The following NLRP14 variants were observed in gnomAD, a reference collection of about 807,000 sequenced individuals.
The protein encoded by NLRP14 is NACHT, LRR and PYD domains-containing protein 14.
NLRP14 carries 105 observed loss-of-function variants against 94.7 expected under a neutral mutation model. That is an observed-to-expected ratio of 1.11 (90% CI 0.95 to 1.30). The LOEUF (loss-of-function observed/expected upper bound fraction) is 1.30. Among genes scored for constraint, NLRP14 ranks in the 50% most tolerant of loss-of-function variants. The probability of loss-of-function intolerance (pLI) is 0.00; values close to 1 mark genes in which losing one functional copy is unlikely to be tolerated. For missense variants in NLRP14, 1,362 were observed against 1,254.1 expected (o/e 1.09, Z -1.30); for synonymous variants, 508 against 459.9 (o/e 1.10, Z -1.34).
intron 1 of NLRP14, among the ~76,000 whole-genome samples, chr11:7,026,552 TTGG>T (rs1318018907): frequency 2.6e-5 from 4 of 151,738 alleles, no homozygotes; most frequent in African/African-American, 9.7e-5. Flanking sequence ...TTTTACACTG[TTGG>T]TGGGACTGAA....
the NLRP14 span, chr11:7,089,858 C>T: frequency 2.5e-6 from 4 of 1,612,526 alleles, no homozygotes; most frequent in South Asian, 1.1e-5. Context: ...ACGGCCACTC[C>T]AGTGTCCGGG....
chr11:7,042,607 G>T lies in NLRP14; in HGVS notation c.581G>T (p.Arg194Ile). Residue 194 changes from arginine to isoleucine, a missense_variant, in exon 4 of 12, where the codon AGA becomes ATA. Physicochemically the swap from Arg to Ile is moderately conservative, Grantham distance 97. Coordinates refer to ENST00000299481, the MANE Select transcript of NLRP14 (RefSeq NM_176822.4). ...AAGVGKTTLV[R>I]KAMLDWAEGS... is the part of the protein sequence containing the mutation. ...GGAGTTGGGAAAACAACCTTGGTGA[G>T]AAAGGCAATGTTAGATTGGGCAGAG... 6.2e-7 allele frequency: 1 copy of T among 1,614,262 alleles called. No homozygotes were observed. Among genetic ancestry groups the T allele is most frequent in the Non-Finnish European group, 8.5e-7 (1 of 1,180,050 alleles).
the NLRP14 span, among the ~76,000 whole-genome samples, chr11:7,084,747 T>C: frequency 6.6e-6 from 1 of 152,228 alleles, no homozygotes; most frequent in Non-Finnish European, 1.5e-5. Context: ...GTTTTCCAGA[T>C]TTCTGTGAGA....
At chr11:7,062,598 A>G (rs1852642050) in intron 10 of NLRP14, 95 bp downstream of exon 10, 1 of 1,076,654 alleles carries the variant, frequency 9.3e-7, no homozygotes, top group African/African-American at 1.5e-5. Context: ...TAAAAACTAA[A>G]TGGGGCTAGA....
At position 7,062,499 on chromosome 11, in the gene NLRP14, C is replaced by T. The variant is rs1363591195; in HGVS notation, c.2971C>T (p.Leu991Phe). ...ATATCCAAACTGTAACATTCAGAGG[C>T]TCGGGTGAGTTCATAGTTTTCCATT... ...LRYPNCNIQR[L>F]GLEYCGLTSL... The change falls in exon 10 of 12, where the codon CTC (leucine) becomes TTC (phenylalanine). Residue 991 changes from leucine (L) to phenylalanine (F), a missense_variant. Coordinates refer to ENST00000299481, the MANE Select transcript of NLRP14 (RefSeq NM_176822.4). 2 of 1,612,406 alleles carry T rather than the reference C, an allele frequency of 1.2e-6. No individual in the cohort carries two copies. The highest frequency in any genetic ancestry group is 2.2e-5 in the East Asian group (1 of 44,842).
Position 7,043,317 on chromosome 11 carries a change from G to T in NLRP14, c.1291G>T (p.Ala431Ser), listed in dbSNP as rs139691301. The change falls in exon 4 of 12, where the codon GCT (alanine) becomes TCT (serine). Residue 431 changes from alanine to serine, a missense_variant. Transcript: ENST00000299481. ...CCAGCTGAGAAGACTGTGCCAAGTC[G>T]CTGCCAAAGGAATATGGACTATGAC... The part of the protein sequence containing the change: ...QAQLRRLCQV[A>S]AKGIWTMTYV... 1.2e-6 allele frequency: 2 copies of T among 1,614,200 alleles called. No homozygotes were observed. The highest frequency in any genetic ancestry group is 1.7e-5 in the Admixed American group (1 of 60,026).
chr11:7,089,759 C>T, the NLRP14 span: 1 of 1,570,448 alleles, frequency 6.4e-7, no homozygotes, highest in South Asian at 1.1e-5. Context: ...GGGATGAGGG[C>T]TACTCGTCCA....
At position 7,043,008 on chromosome 11, in the gene NLRP14, C is replaced by T. The variant is rs1416665178; in HGVS notation, c.982C>T (p.Leu328=). 1 of 1,614,102 alleles carries T rather than the reference C, an allele frequency of 6.2e-7. No individual in the cohort carries two copies. The highest frequency in any genetic ancestry group is 1.7e-5 in the Admixed American group (1 of 60,020). ...GAAGAATCACCATTATGTAGAGCTA[C>T]TAGGAATGTCTGAGGATGCAAGAGA... ...LLKNHHYVEL[L]GMSEDAREEY... Residue 328 remains leucine (L), a synonymous_variant, in exon 4 of 12, where the codon CTA becomes TTA. Coordinates refer to ENST00000299481, the MANE Select transcript of NLRP14 (RefSeq NM_176822.4).
At chr11:7,057,627 A>G (rs936538460) in intron 6 of NLRP14, 50 bp from the exon 7 acceptor site, 1 of 1,549,940 alleles carries the variant, frequency 6.5e-7, no homozygotes, top group Non-Finnish European at 8.9e-7. Context: ...TGTTGGTTGT[A>G]ATTATTCTCT....
chr11:7,082,726 T>A, the NLRP14 span, among the ~76,000 whole-genome samples: 1 of 152,234 alleles, frequency 6.6e-6, no homozygotes, highest in Non-Finnish European at 1.5e-5. Flanking sequence ...GACATTAGGT[T>A]CAGCCACTGT....
chr11:7,060,402 C>G (rs994740230), intron 9 of NLRP14, among the ~76,000 whole-genome samples: 1 of 151,868 alleles, frequency 6.6e-6, no homozygotes, highest in Non-Finnish European at 1.5e-5. Context: ...ACTAGTTTTT[C>G]TCTTAGATTT....
chr11:7,062,322 A>C lies in NLRP14; in HGVS notation c.2805-11A>C, dbSNP rs901917977. On this transcript the variant is annotated splice_polypyrimidine_tract_variant and intron_variant, in intron 9 of 11. Transcript: ENST00000299481. ...TGGAAGGATTCACTTTTCCTATTGT[A>C]ATTCTTACAGATTGATGGGCTGTGT... 8.7e-6 allele frequency: 14 copies of C among 1,609,840 alleles called. No individual in the cohort carries two copies. The African/African-American group carries it at 1.7e-4, about 20-fold the overall frequency.
chr11:7,059,957 C>T lies in NLRP14; in HGVS notation c.2697C>T (p.Asn899=), dbSNP rs747470021. The T allele has an allele frequency of 1.2e-6, 2 of 1,612,502 alleles. No individual in the cohort carries two copies. The highest frequency in any genetic ancestry group is 1.7e-6 in the Non-Finnish European group (2 of 1,178,726). The change falls in exon 9 of 12, where the codon AAC becomes AAT. Residue 899 remains asparagine, a synonymous_variant. Coordinates refer to ENST00000299481, the MANE Select transcript of NLRP14 (RefSeq NM_176822.4). ...SEYLSTSLLH[N]KSLTHLDLGS... is the part of the protein sequence containing the mutation. ...ATCTGTCAACTTCTCTTCTACACAA[C>T]AAGAGCCTGACGCATCTGGATCTAG...
In NLRP14 at chr11:7,038,889, G is replaced by A. The variant is rs781601196; in HGVS notation, c.289+14G>A. On this transcript the variant is annotated intron_variant, in intron 2 of 11. Transcript: ENST00000299481. ...AAGAGATCAACTGTGAGTGATGCTA[G>A]GGGCAAATCGGGGGCTAGGCAGGAA... The A allele has an allele frequency of 1.2e-6, 2 of 1,611,882 alleles. No individual in the cohort carries two copies. The highest frequency in any genetic ancestry group is 2.2e-5 in the East Asian group (1 of 44,862).
Position 7,058,305 on chromosome 11 carries a change from G to A in NLRP14, c.2488G>A (p.Ala830Thr), listed in dbSNP as rs1369656280. The change falls in exon 8 of 12, where the codon GCT becomes ACT. Residue 830 changes from alanine (A) to threonine (T), a missense_variant. Coordinates refer to ENST00000299481, the MANE Select transcript of NLRP14 (RefSeq NM_176822.4). ...CTTAGAAAGCTGTGGTCTCACAGAGGCTGGCTGTGAGTATCTTTCTTTGGC... is the reference window on the plus strand; with the variant it reads ...CTTAGAAAGCTGTGGTCTCACAGAGACTGGCTGTGAGTATCTTTCTTTGGC... ...LSLESCGLTE[A>T]GCEYLSLALI... The A allele has an allele frequency of 1.6e-5, 26 of 1,612,388 alleles. No homozygotes were observed. The East Asian group carries it at 5.4e-4, about 33-fold the overall frequency.
At chr11:7,044,063 A>G in intron 4 of NLRP14, 79 bp downstream of exon 4, 1 of 1,365,738 alleles carries the variant, frequency 7.3e-7, no homozygotes, top group Non-Finnish European at 1.0e-6. Context: ...GGAGGCGTTT[A>G]GCTGAGGTCC....
intron 1 of NLRP14, among the ~76,000 whole-genome samples, chr11:7,032,151 T>G (rs748189114): frequency 4.6e-5 from 7 of 152,238 alleles, no homozygotes; most frequent in Non-Finnish European, 8.8e-5. Context: ...TAATGAGAGA[T>G]AATTGTCAAA....
intron 1 of NLRP14, among the ~76,000 whole-genome samples, chr11:7,034,112 G>A (rs931392028): frequency 3.9e-5 from 6 of 152,132 alleles, no homozygotes; most frequent in Admixed American, 1.3e-4. Context: ...GGTGCAGTTG[G>A]GTTAACCGCC....
chr11:7,076,123 T>C (rs1392660270), downstream of NLRP14, among the ~76,000 whole-genome samples: 2 of 152,184 alleles, frequency 1.3e-5, no homozygotes, highest in African/African-American at 4.8e-5. Context: ...AATTTTGATA[T>C]TTTGATCATT....
Sources: gnomAD v4.1 joint callset for allele counts (sites outside exome capture counted in the v4.1 genomes callset) on GRCh38, gnomAD v4.1.1 for gene constraint, MANE v1.5 for transcripts, NCBI Gene and HGNC (gene_info 2026-07-23, HGNC 2026-07-21) for gene names.